Variants in FSTL4 observed in about 807,000 individuals in gnomAD.
The protein encoded by FSTL4 is follistatin-related protein 4.
In FSTL4, 28 loss-of-function variants were observed where a neutral mutation model predicts 78.2. The observed-to-expected ratio is 0.36, with a 90% CI of 0.27 to 0.49. FSTL4 has a LOEUF of 0.49. Ranked by LOEUF, FSTL4 falls within the 20% of genes least tolerant of loss-of-function variation. FSTL4 has a pLI of 0.98. For missense variants in FSTL4, 922 were observed against 1,084.9 expected (o/e 0.85, Z 2.11); for synonymous variants, 422 against 440.5 (o/e 0.96, Z 0.53).
intron 13 of FSTL4, among the ~76,000 whole-genome samples, chr5:133,212,796 A>G (rs1323174571): frequency 2.0e-5 from 3 of 152,218 alleles, no homozygotes; most frequent in Non-Finnish European, 4.4e-5. Flanking sequence ...ATCCCAAATC[A>G]TAATACAAAG....
At chr5:133,751,352 C>T in the FSTL4 span, among the ~76,000 whole-genome samples, 610 of 152,340 alleles carry the variant, frequency 4.0e-3, 30 homozygotes, top group East Asian at 0.1. Flanking sequence ...AGTCAATACA[C>T]AGTGTATTTC....
chr5:133,234,296 G>A (rs1017344065), intron 7 of FSTL4, among the ~76,000 whole-genome samples: 13 of 152,218 alleles, frequency 8.5e-5, no homozygotes, highest in Non-Finnish European at 1.6e-4. Flanking sequence ...AGGAAGGGCG[G>A]ATGCCCATGG....
the FSTL4 span, among the ~76,000 whole-genome samples, chr5:133,651,367 G>GT: frequency 6.6e-6 from 1 of 152,052 alleles, no homozygotes; most frequent in Non-Finnish European, 1.5e-5. Context: ...TAGCTATAGG[G>GT]TTTTTTTGTG....
the FSTL4 span, among the ~76,000 whole-genome samples, chr5:133,741,040 C>A: frequency 6.6e-6 from 1 of 151,710 alleles, no homozygotes; most frequent in African/African-American, 2.4e-5. Flanking sequence ...ATATGAAACA[C>A]CAAAGGAGAG....
At chr5:133,689,966 CAGG>C in the FSTL4 span, among the ~76,000 whole-genome samples, 1 of 152,180 alleles carries the variant, frequency 6.6e-6, no homozygotes, top group South Asian at 2.1e-4. Context: ...GAGGCTGAGG[CAGG>C]AGAATTGCTC....
At chr5:133,789,562 G>A in the FSTL4 span, among the ~76,000 whole-genome samples, 1 of 152,214 alleles carries the variant, frequency 6.6e-6, no homozygotes, top group Non-Finnish European at 1.5e-5. Flanking sequence ...ACCTCTGCCA[G>A]AAAACACAGT....
At chr5:133,473,942 T>G (rs980050075) in intron 3 of FSTL4, among the ~76,000 whole-genome samples, 1 of 152,094 alleles carries the variant, frequency 6.6e-6, no homozygotes, top group African/African-American at 2.4e-5. Context: ...TCACCTCCCA[T>G]GAGGTCCCTC....
chr5:133,336,224 C>T (rs768623435), intron 4 of FSTL4, among the ~76,000 whole-genome samples: 6 of 152,334 alleles, frequency 3.9e-5, no homozygotes, highest in East Asian at 1.9e-4. Flanking sequence ...CTGTCCAGCT[C>T]GGGGAGGAGG....
At chr5:133,383,134 AC>A (rs1228704824) in intron 4 of FSTL4, among the ~76,000 whole-genome samples, 1 of 152,072 alleles carries the variant, frequency 6.6e-6, no homozygotes, top group Non-Finnish European at 1.5e-5. Flanking sequence ...ATTTTGTCCT[AC>A]CCTGAGTTTC....
At chr5:133,797,733 T>C in the FSTL4 span, among the ~76,000 whole-genome samples, 1 of 152,108 alleles carries the variant, frequency 6.6e-6, no homozygotes, top group African/African-American at 2.4e-5. Context: ...AACCTCCTCC[T>C]TCCCCAGGAC....
intron 2 of FSTL4, among the ~76,000 whole-genome samples, chr5:133,603,632 A>G (rs1760915184): frequency 6.6e-6 from 1 of 152,206 alleles, no homozygotes; most frequent in Non-Finnish European, 1.5e-5. Flanking sequence ...TTCGGAATAC[A>G]CTTTCAGCAT....
At chr5:133,729,348 C>A in the FSTL4 span, among the ~76,000 whole-genome samples, 1 of 152,118 alleles carries the variant, frequency 6.6e-6, no homozygotes, top group Non-Finnish European at 1.5e-5. Context: ...AATGCATGAC[C>A]TTGGGAGAGC....
At chr5:133,375,545 C>T (rs1755415322) in intron 4 of FSTL4, among the ~76,000 whole-genome samples, 1 of 151,874 alleles carries the variant, frequency 6.6e-6, no homozygotes. Context: ...CATGCTAGTT[C>T]CCCATTGTCA....
chr5:133,234,924 A>T (rs1378057215), intron 7 of FSTL4, among the ~76,000 whole-genome samples: 2 of 152,198 alleles, frequency 1.3e-5, no homozygotes, highest in Non-Finnish European at 2.9e-5. Context: ...TTAGCAGAAG[A>T]TGCAAAACTC....
intron 4 of FSTL4, among the ~76,000 whole-genome samples, chr5:133,333,029 C>T (rs367585926): frequency 2.6e-5 from 4 of 152,304 alleles, no homozygotes; most frequent in East Asian, 1.9e-4. Context: ...GTCTGTCTCT[C>T]TCTCATGCAC....
chr5:133,338,441 A>G lies in FSTL4; in HGVS notation c.410-21789T>C, dbSNP rs946707531. On this transcript the variant is annotated intron_variant, in intron 4 of 15. Coordinates refer to ENST00000265342, the MANE Select transcript of FSTL4 (RefSeq NM_015082.2). The surrounding 1 kb of genome is among the most constrained non-coding windows in gnomAD (Gnocchi z 4.0). Reference sequence around the variant, plus strand: ...AGTATTTGGCTGCTTCTCCTGCCCCATGCTTTTCTAGGTTCCCAGAAGCTG... The same window carrying G: ...AGTATTTGGCTGCTTCTCCTGCCCCGTGCTTTTCTAGGTTCCCAGAAGCTG... 2.6e-5 allele frequency among the ~76,000 whole-genome samples: 4 copies of G among 152,042 alleles called. No homozygotes were observed. The highest frequency in any genetic ancestry group is 7.2e-5 in the African/African-American group (3 of 41,380).
chr5:133,768,697 T>G, the FSTL4 span, among the ~76,000 whole-genome samples: 1 of 152,234 alleles, frequency 6.6e-6, no homozygotes, highest in African/African-American at 2.4e-5. Context: ...CTGGAAGATC[T>G]GCTGTGCAGG....
At position 133,225,192 on chromosome 5, in the gene FSTL4, C is replaced by G. The variant is rs1167362032; in HGVS notation, c.1270G>C (p.Asp424His). Residue 424 changes from aspartate to histidine, a missense_variant, in exon 10 of 16, where the codon GAT becomes CAT. Physicochemically the swap from Asp to His is moderately conservative, Grantham distance 81 (BLOSUM62 -1). Transcript: ENST00000265342. This position sits in a 1 kb window ranked among gnomAD's most constrained non-coding sequence, Gnocchi z 4.6. ...TCTTCAATGAAGAGCGAGGAGATAT[C>G]TTCATCCACACCCACTTCATTTTTG... ...IAKNEVGVDEDISSLFIEDSA... is the reference protein window; with the variant it reads ...IAKNEVGVDEHISSLFIEDSA... 2 of 1,614,082 alleles carry G rather than the reference C, an allele frequency of 1.2e-6. No individual in the cohort carries two copies. Among genetic ancestry groups the G allele is most frequent in the African/African-American group, 2.7e-5 (2 of 74,932 alleles).
the FSTL4 span, among the ~76,000 whole-genome samples, chr5:133,830,871 G>A: frequency 6.6e-6 from 1 of 152,040 alleles, no homozygotes; most frequent in East Asian, 1.9e-4. Context: ...TCAGAGAGAC[G>A]GTCTCTGTTC....
Sources: gnomAD v4.1 joint callset for allele counts (sites outside exome capture counted in the v4.1 genomes callset) on GRCh38, gnomAD v4.1.1 for gene constraint, Gnocchi (gnomAD v3.1) non-coding constraint, MANE v1.5 for transcripts, NCBI Gene and HGNC (gene_info 2026-07-23, HGNC 2026-07-21) for gene names.